The following ELP4 variants were observed in gnomAD, a reference collection of about 807,000 sequenced individuals.
ELP4 encodes the protein elongator acetyltransferase complex subunit 4.
A neutral mutation model predicts 48.9 loss-of-function variants in ELP4; 51 were observed. That is an observed-to-expected ratio of 1.04 (90% confidence interval 0.83 to 1.32). ELP4 has a LOEUF of 1.32. Among genes scored for constraint, ELP4 ranks in the 40% most tolerant of loss-of-function variants. The pLI, the probability that ELP4 is intolerant of heterozygous loss-of-function variation, is 0.00. For missense variants in ELP4, 519 were observed against 514.6 expected (o/e 1.01, Z -0.08); for synonymous variants, 210 against 189.2 (o/e 1.11, Z -0.90).
At chr11:31,684,998 T>G (rs1300537942) in intron 9 of ELP4, among the ~76,000 whole-genome samples, 2 of 152,192 alleles carry the variant, frequency 1.3e-5, no homozygotes, top group Non-Finnish European at 2.9e-5. Context: ...ATTGGTACTT[T>G]AAGACATAAT....
chr11:31,750,531 G>A (rs1322975248), intron 9 of ELP4, among the ~76,000 whole-genome samples: 1 of 152,152 alleles, frequency 6.6e-6, no homozygotes, highest in Admixed American at 6.5e-5. Flanking sequence ...CTTGCCTGAA[G>A]TTACAACCTG....
chr11:31,686,360 T>A (rs1227572535), intron 9 of ELP4, among the ~76,000 whole-genome samples: 1 of 151,104 alleles, frequency 6.6e-6, no homozygotes. Context: ...TGGAATAGCT[T>A]CTCATCTTGA....
At chr11:31,742,038 G>A (rs1947465991) in intron 9 of ELP4, among the ~76,000 whole-genome samples, 1 of 152,156 alleles carries the variant, frequency 6.6e-6, no homozygotes, top group Admixed American at 6.5e-5. Flanking sequence ...AACCAACGCA[G>A]AAAAGTCCTT....
chr11:31,786,880 C>G lies in ELP4; in HGVS notation c.*3356C>G. Reference sequence around the variant, plus strand: ...TTCTATTCACCTGGTTTTCCCAAGTCAGTCAAGTTTGGAGAAAAAATTTAG... The same window carrying G: ...TTCTATTCACCTGGTTTTCCCAAGTGAGTCAAGTTTGGAGAAAAAATTTAG... On this transcript the variant is annotated 3_prime_UTR_variant, in exon 10 of 10. Transcript: ENST00000640961. 1 of 218,754 alleles carries G rather than the reference C, an allele frequency of 4.6e-6. No individual in the cohort carries two copies. The highest frequency in any genetic ancestry group is 9.2e-6 in the Non-Finnish European group (1 of 109,014). The allele number at this position is 218,754 out of a possible 1,614,324, so 13.6% of individuals were successfully genotyped here.
intron 9 of ELP4, among the ~76,000 whole-genome samples, chr11:31,744,747 A>G (rs1274333745): frequency 6.6e-6 from 1 of 152,162 alleles, no homozygotes; most frequent in Non-Finnish European, 1.5e-5. Flanking sequence ...TCTCAAAATA[A>G]TAAGAGCTAT....
chr11:31,706,205 C>T (rs1946628300), intron 9 of ELP4, among the ~76,000 whole-genome samples: 1 of 151,984 alleles, frequency 6.6e-6, no homozygotes, highest in African/African-American at 2.4e-5. Flanking sequence ...GGGATTAGCT[C>T]AGGATAATTA....
At chr11:31,620,830 T>G (rs1944604849) in intron 5 of ELP4, among the ~76,000 whole-genome samples, 1 of 151,966 alleles carries the variant, frequency 6.6e-6, no homozygotes, top group Non-Finnish European at 1.5e-5. Context: ...CTTAGTATTT[T>G]CCTAGCTGTG....
chr11:31,660,392 G>C (rs1258126046), intron 9 of ELP4, among the ~76,000 whole-genome samples: 4 of 152,182 alleles, frequency 2.6e-5, no homozygotes, highest in Non-Finnish European at 5.9e-5. Flanking sequence ...TGAAGGGTCA[G>C]TGCTATAGCA....
chr11:31,618,281 A>G (rs1006505437), intron 5 of ELP4, among the ~76,000 whole-genome samples: 2 of 152,124 alleles, frequency 1.3e-5, no homozygotes, highest in Admixed American at 1.3e-4. Flanking sequence ...TAATGTATAA[A>G]CAATAGAAAT....
At chr11:31,563,829 C>A (rs2133945890) in intron 3 of ELP4, among the ~76,000 whole-genome samples, 1 of 152,220 alleles carries the variant, frequency 6.6e-6, no homozygotes, top group African/African-American at 2.4e-5. Flanking sequence ...GATAATCCCT[C>A]TGTTAGGAAA....
At chr11:31,710,463 A>G (rs138148319) in intron 9 of ELP4, among the ~76,000 whole-genome samples, 1 of 152,218 alleles carries the variant, frequency 6.6e-6, no homozygotes, top group African/African-American at 2.4e-5. Flanking sequence ...TGTCTCCACT[A>G]AAAATACAAA....
Position 31,509,930 on chromosome 11 carries a change from T to C in ELP4, c.146T>C (p.Ile49Thr). The change falls in exon 1 of 10, where the codon ATT becomes ACT. Residue 49 changes from isoleucine (I) to threonine (T), a missense_variant. Ile to Thr is a moderately conservative substitution (Grantham distance 89). Transcript: ENST00000640961. ...TNDSGPRLVS[I>T]AGTRPSVRNG... ...GACAGCGGCCCTCGACTGGTGTCCA[T>C]TGCGGGCACGCGACCGTCGGTGCGG... The C allele has an allele frequency of 1.2e-6, 2 of 1,613,822 alleles. No individual in the cohort carries two copies. The highest frequency in any genetic ancestry group is 1.7e-5 in the Admixed American group (1 of 60,024).
At chr11:31,746,197 C>T (rs1222320334) in intron 9 of ELP4, among the ~76,000 whole-genome samples, 1 of 152,232 alleles carries the variant, frequency 6.6e-6, no homozygotes, top group East Asian at 1.9e-4. Flanking sequence ...GATACCATCT[C>T]ACACCAGTTA....
chr11:31,764,968 G>T (rs956478458), intron 9 of ELP4, among the ~76,000 whole-genome samples: 1 of 152,150 alleles, frequency 6.6e-6, no homozygotes, highest in Admixed American at 6.5e-5. Context: ...TTTAGTAATT[G>T]CAGGCTGCTT....
chr11:31,789,520 A>G lies in ELP4; in HGVS notation c.*5996A>G, dbSNP rs1205076652. 9 of 595,270 alleles carry G rather than the reference A, an allele frequency of 1.5e-5. No individual in the cohort carries two copies. Among genetic ancestry groups the G allele is most frequent in the Non-Finnish European group, 2.4e-5 (8 of 339,116 alleles). 36.9% of individuals were successfully genotyped at this position (595,270 alleles called of 1,614,324 possible). A position where few individuals can be genotyped will look rare whatever the true frequency, so the allele number is the denominator to read the frequency against. ...GAACAGATGGGTAGAAGTATTCGAT[A>G]TATCTTGATAAAACTCTTAAATTCG... On this transcript the variant is annotated 3_prime_UTR_variant, in exon 10 of 10. Transcript: ENST00000640961.
intron 9 of ELP4, among the ~76,000 whole-genome samples, chr11:31,771,109 C>T (rs1948132994): frequency 6.6e-6 from 1 of 152,138 alleles, no homozygotes; most frequent in Non-Finnish European, 1.5e-5. Context: ...GCTAGAGTTT[C>T]TCCTTCATGG....
At chr11:31,522,966 C>G (rs1431150513) in intron 2 of ELP4, among the ~76,000 whole-genome samples, 1 of 151,674 alleles carries the variant, frequency 6.6e-6, no homozygotes, top group Non-Finnish European at 1.5e-5. Flanking sequence ...CTTAAGTAGT[C>G]CTCCCTTCTC....
intron 7 of ELP4, chr11:31,634,146 A>G (rs1944924015): frequency 6.6e-6 from 1 of 151,988 alleles, no homozygotes; most frequent in Non-Finnish European, 1.5e-5. Flanking sequence ...TAAACTCTTT[A>G]CCCTCTGTCA....
intron 9 of ELP4, among the ~76,000 whole-genome samples, chr11:31,736,137 A>G (rs1033362419): frequency 6.6e-6 from 1 of 152,348 alleles, no homozygotes; most frequent in East Asian, 1.9e-4. Context: ...GCTGTAGACC[A>G]ATGGAACAGA....
Sources: allele counts gnomAD v4.1 joint callset (sites outside exome capture counted in the v4.1 genomes callset), GRCh38; gene constraint gnomAD v4.1.1; transcripts MANE v1.5; gene names NCBI Gene and HGNC (gene_info 2026-07-23, HGNC 2026-07-21).